The following CDK5RAP2 variants were observed in gnomAD, a reference collection of about 807,000 sequenced individuals.
CDK5RAP2 encodes CDK5 regulatory subunit associated protein 2.
In CDK5RAP2, 147 loss-of-function variants were observed where a neutral mutation model predicts 232.9. The observed-to-expected ratio is 0.63, with a 90% CI of 0.55 to 0.72. The LOEUF (loss-of-function observed/expected upper bound fraction) is 0.72, where lower values mean the gene tolerates loss of function less well. Ranked by LOEUF, CDK5RAP2 falls within the 30% of genes least tolerant of loss-of-function variation. CDK5RAP2 has a pLI of 0.00. For synonymous variants in CDK5RAP2, 833 were observed against 833.7 expected, an observed-to-expected ratio of 1.00 and a Z score of 0.01; for missense variants, 2,195 against 2,231.5, an observed-to-expected ratio of 0.98 and a Z score of 0.33.
At chr9:120,460,718 C>G in intron 18 of CDK5RAP2, 51 bp from the exon 19 acceptor site, 2 of 1,611,468 alleles carry the variant, frequency 1.2e-6, no homozygotes, top group Non-Finnish European at 1.7e-6. Context: ...AAGTGTGCAG[C>G]ATGAATATGT....
chr9:120,522,534 T>A (rs2040718327), intron 11 of CDK5RAP2, among the ~76,000 whole-genome samples: 1 of 152,238 alleles, frequency 6.6e-6, no homozygotes, highest in African/African-American at 2.4e-5. Context: ...ACTGATGATT[T>A]CTATCAACCT....
At chr9:120,420,377 C>CT (rs2034494413) in intron 26 of CDK5RAP2, among the ~76,000 whole-genome samples, 1 of 152,218 alleles carries the variant, frequency 6.6e-6, no homozygotes, top group Non-Finnish European at 1.5e-5. Flanking sequence ...GGCCCACTGT[C>CT]TCACGGCTTG....
chr9:120,467,636 T>C (rs2037456175), intron 18 of CDK5RAP2, among the ~76,000 whole-genome samples: 1 of 152,090 alleles, frequency 6.6e-6, no homozygotes, highest in Admixed American at 6.5e-5. Flanking sequence ...TACATATATA[T>C]GAATATATGG....
chr9:120,538,802 CT>C (rs2041503748), intron 6 of CDK5RAP2, among the ~76,000 whole-genome samples: 1 of 152,186 alleles, frequency 6.6e-6, no homozygotes, highest in Non-Finnish European at 1.5e-5. Context: ...TAGTACTTCT[CT>C]CTGTATCTCA....
chr9:120,407,208 C>T lies in CDK5RAP2; in HGVS notation c.4767G>A (p.Arg1589=). 1.2e-6 allele frequency: 2 copies of T among 1,613,666 alleles called. No homozygotes were observed. Among genetic ancestry groups the T allele is most frequent in the Non-Finnish European group, 8.5e-7 (1 of 1,180,032 alleles). The part of the protein sequence containing the change: ...GEGWKGQDPF[R]DLHSLLMEIQ... ...TCTCCATCAGGAGGCTGTGCAGGTC[C>T]CTGAAAGGATCCTGCCCCTTCCAGC... is the stretch of plus-strand genomic sequence containing the variant. Residue 1589 remains arginine, a synonymous_variant, in exon 32 of 38, where the codon AGG becomes AGA. Transcript: ENST00000349780.
At chr9:120,402,132 A>C (rs935382156) in intron 34 of CDK5RAP2, among the ~76,000 whole-genome samples, 14 of 152,138 alleles carry the variant, frequency 9.2e-5, no homozygotes, top group Admixed American at 4.6e-4. Flanking sequence ...TCTCTAAAAA[A>C]AATTTTTTTT....
Position 120,437,390 on chromosome 9 carries a change from G to A in CDK5RAP2, c.3860C>T (p.Ala1287Val). 1 of 1,614,056 alleles carries A rather than the reference G, an allele frequency of 6.2e-7. No individual in the cohort carries two copies. Among genetic ancestry groups the A allele is most frequent in the East Asian group, 2.2e-5 (1 of 44,880 alleles). Residue 1287 changes from alanine (A) to valine (V), a missense_variant, in exon 25 of 38, where the codon GCC (alanine) becomes GTC (valine). Transcript: ENST00000349780. Reference protein sequence around the residue: ...MIKAFEELLQASDVDYCVAEG... With the variant: ...MIKAFEELLQVSDVDYCVAEG... The stretch of plus-strand genomic sequence containing the variant: ...GGCCACACAGTAATCCACATCACTG[G>A]CCTGCAGCAACTCCTCAAATGCCTT...
Position 120,442,077 on chromosome 9 carries a change from G to A in CDK5RAP2, c.3148+1543C>T, listed in dbSNP as rs558746160. 3.0e-4 allele frequency among the ~76,000 whole-genome samples: 45 copies of A among 152,270 alleles called. No homozygotes were observed. The South Asian group carries it at 7.0e-3, about 24-fold the overall frequency. On this transcript the variant is annotated intron_variant, in intron 23 of 37. Transcript: ENST00000349780. ...TGGTCTGTACTTCATGGCAAGAAGCGTGTTCACTCATGGAAATAAAGATTA... is the reference window on the plus strand; with the variant it reads ...TGGTCTGTACTTCATGGCAAGAAGCATGTTCACTCATGGAAATAAAGATTA...
chr9:120,488,364 T>A (rs945275857), intron 13 of CDK5RAP2, among the ~76,000 whole-genome samples: 1 of 152,244 alleles, frequency 6.6e-6, no homozygotes, highest in Non-Finnish European at 1.5e-5. Flanking sequence ...CACAATACAG[T>A]TGTGCTTAAA....
At chr9:120,568,462 C>A in intron 2 of CDK5RAP2, 74 bp from the exon 3 acceptor site, 1 of 1,069,822 alleles carries the variant, frequency 9.3e-7, no homozygotes, top group Non-Finnish European at 1.5e-6. Flanking sequence ...GAATAGAGCA[C>A]AGAGAGGAAA....
chr9:120,556,955 C>A (rs1417320081), intron 3 of CDK5RAP2, among the ~76,000 whole-genome samples: 1 of 152,162 alleles, frequency 6.6e-6, no homozygotes, highest in Non-Finnish European at 1.5e-5. Context: ...CCGCCAGATG[C>A]TTCCTATAAA....
chr9:120,517,233 TTTTC>T (rs1214763988), intron 12 of CDK5RAP2, among the ~76,000 whole-genome samples: 1 of 152,208 alleles, frequency 6.6e-6, no homozygotes, highest in Non-Finnish European at 1.5e-5. Context: ...TTTTTCTAGG[TTTTC>T]TTTATTGATC....
chr9:120,535,232 C>T (rs1444894344), intron 7 of CDK5RAP2, among the ~76,000 whole-genome samples: 1 of 152,202 alleles, frequency 6.6e-6, no homozygotes, highest in Non-Finnish European at 1.5e-5. Flanking sequence ...AGCTAGGGCA[C>T]TTACATGGAG....
intron 4 of CDK5RAP2, among the ~76,000 whole-genome samples, chr9:120,547,851 C>T (rs1182623847): frequency 6.6e-6 from 1 of 152,216 alleles, no homozygotes; most frequent in Non-Finnish European, 1.5e-5. Context: ...TACCAAGCAC[C>T]TGTGATGGAC....
rs138563149 is a variant in CDK5RAP2, at chr9:120,578,060, G to C, written c.59+1860C>G. On this transcript the variant is annotated intron_variant, in intron 1 of 37. Coordinates refer to ENST00000349780, the MANE Select transcript of CDK5RAP2 (RefSeq NM_018249.6). ...CAAGGAGAGCAGATCATGAGATCAG[G>C]AGATGGAGACCATCCTGGCCAACAT... 7.5e-3 allele frequency among the ~76,000 whole-genome samples: 1,148 copies of C among 152,230 alleles called. 24 individuals are homozygous for C. The highest frequency in any genetic ancestry group is 0.025 in the African/African-American group (1,049 of 41,524).
rs751126483 is a variant in CDK5RAP2 at position 120,518,593 on chromosome 9, G to A, written c.1145C>T (p.Ala382Val). 2.8e-5 allele frequency: 45 copies of A among 1,613,570 alleles called. No homozygotes were observed. Among genetic ancestry groups the A allele is most frequent in the Middle Eastern group, 1.6e-4 (1 of 6,084 alleles). ...ALSGKEALSA[A>V]LRSQNLTKST... ...CTTGGTGAGGTTTTGTGAGCGCAGCGCAGCCGAAAGGGCTTCCTTTCCTGA... is the reference window on the plus strand; with the variant it reads ...CTTGGTGAGGTTTTGTGAGCGCAGCACAGCCGAAAGGGCTTCCTTTCCTGA... Residue 382 changes from alanine to valine, a missense_variant, in exon 12 of 38, where the codon GCG (alanine) becomes GTG (valine). Ala to Val is a moderately conservative substitution (Grantham distance 64). Coordinates refer to ENST00000349780, the MANE Select transcript of CDK5RAP2 (RefSeq NM_018249.6).
chr9:120,524,890 T>C, intron 11 of CDK5RAP2, 96 bp downstream of exon 11: 1 of 855,886 alleles, frequency 1.2e-6, no homozygotes, highest in Non-Finnish European at 2.0e-6. Flanking sequence ...ACAGTTTTCC[T>C]TATTAAAATC....
chr9:120,407,376 T>A, intron 31 of CDK5RAP2, 128 bp from the exon 32 acceptor site: 1 of 737,454 alleles, frequency 1.4e-6, no homozygotes, highest in South Asian at 1.4e-5. Context: ...CTAGGTACAG[T>A]TTAAAATAAC....
chr9:120,420,549 C>G (rs1588287672), intron 26 of CDK5RAP2, among the ~76,000 whole-genome samples: 1 of 151,896 alleles, frequency 6.6e-6, no homozygotes, highest in Non-Finnish European at 1.5e-5. Context: ...TAGCAATCAT[C>G]TGGTTATTAA....
Sources: allele counts gnomAD v4.1 joint callset (sites outside exome capture counted in the v4.1 genomes callset), GRCh38; gene constraint gnomAD v4.1.1; transcripts MANE v1.5; gene names NCBI Gene and HGNC (gene_info 2026-07-23, HGNC 2026-07-21).